Variants in MAP4K4 observed in about 807,000 individuals in gnomAD.
The protein encoded by MAP4K4 is mitogen-activated protein kinase kinase kinase kinase 4, also known as HPK/GCK-like kinase HGK.
MAP4K4 carries 38 observed loss-of-function variants against 189.6 expected under a neutral mutation model. That is an observed-to-expected ratio of 0.20 (90% CI 0.15 to 0.26). The LOEUF is 0.26. Among genes scored for constraint, MAP4K4 ranks in the 10% least tolerant of loss-of-function variants. The probability of loss-of-function intolerance (pLI) is 1.00; values close to 1 mark genes in which losing one functional copy is unlikely to be tolerated. For missense variants in MAP4K4, 1,054 were observed against 1,726.9 expected (o/e 0.61, Z 6.91); for synonymous variants, 610 against 624.3 (o/e 0.98, Z 0.34).
intron 2 of MAP4K4, among the ~76,000 whole-genome samples, chr2:101,738,616 A>T (rs1363744376): frequency 6.6e-6 from 1 of 152,114 alleles, no homozygotes; most frequent in Non-Finnish European, 1.5e-5. Flanking sequence ...TTTTAAAGAC[A>T]TCTTGCACCT....
chr2:101,874,577 C>T (rs1292386562), intron 26 of MAP4K4, among the ~76,000 whole-genome samples: 3 of 152,240 alleles, frequency 2.0e-5, no homozygotes, highest in East Asian at 3.9e-4. Context: ...CCATTATACT[C>T]AATAGTGTAC....
intron 12 of MAP4K4, among the ~76,000 whole-genome samples, chr2:101,849,308 T>G (rs966528682): frequency 6.6e-6 from 1 of 152,024 alleles, no homozygotes; most frequent in African/African-American, 2.4e-5. Context: ...TTTTTTGTTT[T>G]GTAGAGATGG....
chr2:101,882,368 C>A (rs1251216239), intron 27 of MAP4K4, among the ~76,000 whole-genome samples, 183 bp from the exon 28 acceptor site: 1 of 152,052 alleles, frequency 6.6e-6, no homozygotes, highest in Non-Finnish European at 1.5e-5. Flanking sequence ...AGTTTTTTTA[C>A]ATATTCTGGA....
intron 2 of MAP4K4, among the ~76,000 whole-genome samples, chr2:101,742,732 A>G (rs1409781378): frequency 6.6e-6 from 1 of 152,156 alleles, no homozygotes; most frequent in African/African-American, 2.4e-5. Flanking sequence ...AAGCAGGTAA[A>G]GGAGAGAGAA....
chr2:101,860,293 C>A, intron 15 of MAP4K4: 1 of 243,060 alleles, frequency 4.1e-6, no homozygotes, highest in Non-Finnish European at 8.2e-6. Flanking sequence ...TACCCAGAGC[C>A]TCAGAGTAGG....
chr2:101,731,235 A>G (rs565900946), intron 2 of MAP4K4, among the ~76,000 whole-genome samples: 7 of 151,682 alleles, frequency 4.6e-5, no homozygotes, highest in Non-Finnish European at 8.8e-5. Flanking sequence ...TATTGCCTCA[A>G]CCTTCCGAGT....
intron 2 of MAP4K4, among the ~76,000 whole-genome samples, chr2:101,733,791 T>C (rs2059394753): frequency 6.6e-6 from 1 of 152,162 alleles, no homozygotes; most frequent in South Asian, 2.1e-4. Context: ...GGGCAGCTGT[T>C]CTGTGAGAGG....
At chr2:101,859,966 C>A in intron 15 of MAP4K4, 102 bp downstream of exon 15, 1 of 1,170,280 alleles carries the variant, frequency 8.5e-7, no homozygotes, top group Non-Finnish European at 1.2e-6. Context: ...TAGAGTTTAG[C>A]TAATTATCTG....
At chr2:101,855,938 G>T in intron 12 of MAP4K4, 39 bp from the exon 13 acceptor site, 1 of 1,533,566 alleles carries the variant, frequency 6.5e-7, no homozygotes, top group South Asian at 1.2e-5. Flanking sequence ...GAAAGATGGC[G>T]GGAAGATCCC....
intron 2 of MAP4K4, among the ~76,000 whole-genome samples, chr2:101,761,739 T>C (rs2076539529): frequency 6.6e-6 from 1 of 152,020 alleles, no homozygotes; most frequent in African/African-American, 2.4e-5. Context: ...GTATTTTTAA[T>C]AGAGACAGGG....
At chr2:101,864,958 C>T (rs1321212017) in exon 18 of MAP4K4, 1 of 1,577,880 alleles carries the variant, frequency 6.3e-7, no homozygotes, top group Non-Finnish European at 8.6e-7. Flanking sequence ...TCTCGCTCCC[C>T]TGTTCTGTCC....
chr2:101,832,482 A>G (rs541968684), intron 7 of MAP4K4, among the ~76,000 whole-genome samples: 1 of 152,212 alleles, frequency 6.6e-6, no homozygotes, highest in Non-Finnish European at 1.5e-5. Context: ...ACAGTTTCCC[A>G]TGTATTTTAG....
rs571014425 is a variant in MAP4K4 at position 101,866,659 on chromosome 2, A to G, written c.2356+80A>G. The G allele has an allele frequency of 1.5e-5, 23 of 1,529,692 alleles. No individual in the cohort carries two copies. The Admixed American group carries it at 2.1e-4, about 14-fold the overall frequency. 94.8% of individuals were successfully genotyped at this position (1,529,692 alleles called of 1,614,324 possible). On this transcript the variant is annotated intron_variant, in intron 19 of 32. Coordinates refer to ENST00000324219, the Ensembl canonical transcript of MAP4K4. ...ATCTTGGAAGTTTGTCTTAATCTGT[A>G]GTTTGCGTGTAGCCACACGTCACAA...
chr2:101,868,795 C>A (rs1284285236), intron 21 of MAP4K4, among the ~76,000 whole-genome samples: 1 of 151,956 alleles, frequency 6.6e-6, no homozygotes, highest in Admixed American at 6.6e-5. Context: ...ATGTCAGTGG[C>A]ATCCTAGTGC....
At chr2:101,744,237 TAA>T (rs981558763) in intron 2 of MAP4K4, among the ~76,000 whole-genome samples, 2 of 152,222 alleles carry the variant, frequency 1.3e-5, no homozygotes, top group Non-Finnish European at 2.9e-5. Context: ...AAATTAATTT[TAA>T]GAGTAGATTT....
At chr2:101,845,287 A>T (rs1292948621) in intron 12 of MAP4K4, among the ~76,000 whole-genome samples, 2 of 152,224 alleles carry the variant, frequency 1.3e-5, no homozygotes, top group African/African-American at 4.8e-5. Flanking sequence ...AGTACATTTT[A>T]CACCACCTGC....
At chr2:101,704,539 GTGTATA>G (rs1224363544) in intron 2 of MAP4K4, among the ~76,000 whole-genome samples, 5 of 72,808 alleles carry the variant, frequency 6.9e-5, no homozygotes, top group African/African-American at 4.2e-4. Flanking sequence ...GTGTGTGTGT[GTGTATA>G]TATATATATA....
At chr2:101,892,018 A>G (rs1179026460) in exon 33 of MAP4K4, 23 of 141,514 alleles carry the variant, frequency 1.6e-4, no homozygotes, top group Admixed American at 8.6e-4. Context: ...AAAAAAAAGG[A>G]AAAAAAAAAA....
intron 2 of MAP4K4, among the ~76,000 whole-genome samples, chr2:101,757,861 A>C (rs907376868): frequency 6.6e-6 from 1 of 152,238 alleles, no homozygotes; most frequent in Non-Finnish European, 1.5e-5. Flanking sequence ...CTCTACTAAA[A>C]ATAGAAAAAA....
Sources: allele counts gnomAD v4.1 joint callset (sites outside exome capture counted in the v4.1 genomes callset), GRCh38; gene constraint gnomAD v4.1.1; transcripts MANE v1.5; gene names NCBI Gene and HGNC (gene_info 2026-07-23, HGNC 2026-07-21).